Variants in LRRTM4 observed in about 807,000 individuals in gnomAD.
LRRTM4 encodes the protein leucine rich repeat transmembrane neuronal 4, also known as leucine-rich repeat transmembrane neuronal protein 4.
LRRTM4 carries 25 observed loss-of-function variants against 47.6 expected under a neutral mutation model. That is an observed-to-expected ratio of 0.53 (90% confidence interval 0.38 to 0.73). The LOEUF (loss-of-function observed/expected upper bound fraction) is 0.73, where lower values mean the gene tolerates loss of function less well. Ranked by LOEUF, LRRTM4 falls within the 30% of genes least tolerant of loss-of-function variation. LRRTM4 has a pLI of 0.00. For missense variants in LRRTM4, 638 were observed against 713.4 expected, an observed-to-expected ratio of 0.89 and a Z score of 1.20; for synonymous variants, 311 against 269.5, an observed-to-expected ratio of 1.15 and a Z score of -1.51.
intron 3 of LRRTM4, among the ~76,000 whole-genome samples, chr2:76,971,599 G>C (rs1446728): frequency 0.24 from 35,941 of 151,944 alleles, 5,239 homozygotes; most frequent in African/African-American, 0.41. Flanking sequence ...TATATATCTG[G>C]ATGGTGTCTT....
intron 3 of LRRTM4, among the ~76,000 whole-genome samples, chr2:76,862,393 A>G (rs983926015): frequency 1.1e-4 from 16 of 152,188 alleles, no homozygotes; most frequent in African/African-American, 3.9e-4. Context: ...AATTTTACCT[A>G]CAATTGCTGT....
chr2:77,505,038 T>C (rs1331839021), intron 3 of LRRTM4, among the ~76,000 whole-genome samples: 1 of 151,262 alleles, frequency 6.6e-6, no homozygotes, highest in Non-Finnish European at 1.5e-5. Flanking sequence ...AAAGATAAAT[T>C]ATTAAATATA....
intron 3 of LRRTM4, among the ~76,000 whole-genome samples, chr2:76,782,670 T>G (rs1226782345): frequency 6.6e-6 from 1 of 152,180 alleles, no homozygotes; most frequent in Admixed American, 6.5e-5. Flanking sequence ...ACCTGTTAAC[T>G]TTTTCTGATT....
chr2:76,851,823 C>A (rs1000115301), intron 3 of LRRTM4, among the ~76,000 whole-genome samples: 1 of 145,380 alleles, frequency 6.9e-6, no homozygotes, highest in African/African-American at 2.5e-5. Flanking sequence ...AAGTGGCACT[C>A]TCTTCCAGAG....
intron 3 of LRRTM4, among the ~76,000 whole-genome samples, chr2:77,480,562 A>C (rs905670625): frequency 6.6e-6 from 1 of 152,104 alleles, no homozygotes; most frequent in African/African-American, 2.4e-5. Context: ...AAAATCAATT[A>C]ATGTATCATT....
At chr2:77,338,830 C>T (rs1445417434) in intron 3 of LRRTM4, among the ~76,000 whole-genome samples, 2 of 151,962 alleles carry the variant, frequency 1.3e-5, no homozygotes, top group Admixed American at 6.6e-5. Context: ...TTCACAATAG[C>T]AAAGCCAAGG....
At chr2:77,110,593 CAAG>C (rs1671223300) in intron 3 of LRRTM4, among the ~76,000 whole-genome samples, 1 of 152,076 alleles carries the variant, frequency 6.6e-6, no homozygotes, top group Non-Finnish European at 1.5e-5. Flanking sequence ...TGTTTTTTGA[CAAG>C]AACATTTTAT....
intron 3 of LRRTM4, among the ~76,000 whole-genome samples, chr2:76,889,263 A>G (rs975276484): frequency 1.3e-5 from 2 of 151,942 alleles, no homozygotes; most frequent in South Asian, 2.1e-4. Context: ...AGTTTTGAAA[A>G]TGCTTTACCA....
At chr2:76,926,261 CAT>C (rs1674586276) in intron 3 of LRRTM4, among the ~76,000 whole-genome samples, 1 of 151,942 alleles carries the variant, frequency 6.6e-6, no homozygotes, top group Non-Finnish European at 1.5e-5. Context: ...ACTTTTTAAA[CAT>C]AGAGAAAATA....
At chr2:77,289,657 G>C (rs1323035234) in intron 3 of LRRTM4, among the ~76,000 whole-genome samples, 1 of 151,956 alleles carries the variant, frequency 6.6e-6, no homozygotes. Flanking sequence ...CCAGGCTTCT[G>C]CTCAAACAGG....
At chr2:77,284,343 T>C (rs1020437828) in intron 3 of LRRTM4, among the ~76,000 whole-genome samples, 1 of 152,160 alleles carries the variant, frequency 6.6e-6, no homozygotes, top group African/African-American at 2.4e-5. Flanking sequence ...AATAACACAT[T>C]CTATTAATAG....
intron 3 of LRRTM4, among the ~76,000 whole-genome samples, chr2:77,033,197 T>C (rs1464711529): frequency 6.6e-6 from 1 of 152,022 alleles, no homozygotes; most frequent in Non-Finnish European, 1.5e-5. Flanking sequence ...TGTAATCTAT[T>C]CAGTATTTAA....
chr2:77,373,801 G>C (rs148267511), intron 3 of LRRTM4, among the ~76,000 whole-genome samples: 1 of 151,716 alleles, frequency 6.6e-6, no homozygotes, highest in South Asian at 2.1e-4. Flanking sequence ...GGTTTCTTGC[G>C]GAGATACATT....
At chr2:76,775,704 G>T (rs1274717508) in intron 3 of LRRTM4, among the ~76,000 whole-genome samples, 1 of 151,994 alleles carries the variant, frequency 6.6e-6, no homozygotes, top group Non-Finnish European at 1.5e-5. Flanking sequence ...AGTGGAGTTA[G>T]CCTATCCCTT....
chr2:76,894,952 T>A (rs1251945), intron 3 of LRRTM4, among the ~76,000 whole-genome samples: 150,910 of 151,464 alleles, frequency 1, 75,179 homozygotes, highest in Middle Eastern at 1. Context: ...TTTTATCTTA[T>A]CAATAAAGTA....
chr2:77,480,972 T>C (rs2104017765), intron 3 of LRRTM4, among the ~76,000 whole-genome samples: 1 of 152,210 alleles, frequency 6.6e-6, no homozygotes, highest in Admixed American at 6.5e-5. Flanking sequence ...CTTCCCCATG[T>C]AACAAAGCCT....
intron 3 of LRRTM4, among the ~76,000 whole-genome samples, chr2:77,197,483 T>C (rs966247611): frequency 7.2e-5 from 11 of 152,264 alleles, no homozygotes; most frequent in African/African-American, 2.4e-4. Context: ...ATTTTAGAGA[T>C]TATTAGACAA....
chr2:76,781,476 G>C (rs368067311), intron 3 of LRRTM4, among the ~76,000 whole-genome samples: 1 of 152,226 alleles, frequency 6.6e-6, no homozygotes, highest in Non-Finnish European at 1.5e-5. Context: ...TTTTAAGCCC[G>C]TCTGAAAAGC....
chr2:76,899,378 T>C (rs1673542934), intron 3 of LRRTM4, among the ~76,000 whole-genome samples: 1 of 151,288 alleles, frequency 6.6e-6, no homozygotes, highest in South Asian at 2.1e-4. Flanking sequence ...CTATATTTTA[T>C]AATAGTGCAT....
Sources: allele counts gnomAD v4.1 joint callset (sites outside exome capture counted in the v4.1 genomes callset), GRCh38; gene constraint gnomAD v4.1.1; transcripts MANE v1.5; gene names NCBI Gene and HGNC (gene_info 2026-07-23, HGNC 2026-07-21).